The following AP4E1 variants were observed in gnomAD, a reference collection of about 807,000 sequenced individuals.
AP4E1 encodes the protein AP-4 complex subunit epsilon-1.
A neutral mutation model predicts 128.2 loss-of-function variants in AP4E1; 56 were observed. That is an observed-to-expected ratio of 0.44 (90% confidence interval 0.35 to 0.55). AP4E1 has a LOEUF of 0.55. Ranked by LOEUF, AP4E1 falls within the 20% of genes least tolerant of loss-of-function variation. AP4E1 has a pLI of 0.00. For synonymous variants in AP4E1, 484 were observed against 473.1 expected (o/e 1.02, Z -0.30); for missense variants, 1,324 against 1,307.7 (o/e 1.01, Z -0.19).
At chr15:50,947,136 C>T (rs2064073176) in intron 10 of AP4E1, among the ~76,000 whole-genome samples, 1 of 152,030 alleles carries the variant, frequency 6.6e-6, no homozygotes, top group Non-Finnish European at 1.5e-5. Context: ...TAGCTACAGG[C>T]CAGGCACAGT....
intron 16 of AP4E1, among the ~76,000 whole-genome samples, chr15:50,992,854 A>G (rs1039112761): frequency 5.3e-5 from 8 of 152,196 alleles, no homozygotes; most frequent in Non-Finnish European, 4.4e-5. Context: ...ACTTGAATTT[A>G]TGTTTCCTGG....
intron 15 of AP4E1, among the ~76,000 whole-genome samples, chr15:50,982,962 T>C (rs2064663107): frequency 5.3e-5 from 8 of 152,242 alleles, no homozygotes; most frequent in Admixed American, 5.2e-4. Flanking sequence ...CATAATATTT[T>C]CTAAGATACT....
chr15:50,924,158 A>G (rs910519036), intron 4 of AP4E1, among the ~76,000 whole-genome samples, 154 bp downstream of exon 4: 4 of 152,192 alleles, frequency 2.6e-5, no homozygotes, highest in Admixed American at 6.5e-5. Context: ...CATCTATAAA[A>G]TGGAGTTAAA....
chr15:50,915,682 T>C, intron 3 of AP4E1, 111 bp downstream of exon 3: 9 of 1,309,538 alleles, frequency 6.9e-6, no homozygotes, highest in Non-Finnish European at 8.6e-6. Context: ...TACTGTATTA[T>C]AATTTCTAAA....
intron 10 of AP4E1, chr15:50,945,654 A>G: frequency 2.6e-6 from 2 of 779,688 alleles, no homozygotes; most frequent in Admixed American, 1.7e-5. Flanking sequence ...TTATCTGTGT[A>G]AAATGCACTT....
intron 5 of AP4E1, among the ~76,000 whole-genome samples, chr15:50,928,487 C>T (rs1056497204): frequency 6.6e-6 from 1 of 152,052 alleles, no homozygotes; most frequent in Admixed American, 6.6e-5. Context: ...AGGGTTTCGC[C>T]ATGTTGGCCA....
At chr15:50,949,748 T>A in intron 11 of AP4E1, 78 bp from the exon 12 acceptor site, 1 of 1,163,664 alleles carries the variant, frequency 8.6e-7, no homozygotes, top group Non-Finnish European at 1.3e-6. Context: ...TTGGGGTTAT[T>A]TTTTAAAAGA....
rs759162343 is a variant in AP4E1, at chr15:50,925,154, G to A, written c.477G>A (p.Gln159=). The A allele has an allele frequency of 2.5e-6, 4 of 1,613,830 alleles. No individual in the cohort carries two copies. The highest frequency in any genetic ancestry group is 1.3e-5 in the African/African-American group (1 of 74,952). Reference sequence around the variant, plus strand: ...GTATGGCACTGACTGTTGTTAGCCAGATTTTCCCCTGCGAAATGATTCCAG... The same window carrying A: ...GTATGGCACTGACTGTTGTTAGCCAAATTTTCCCCTGCGAAATGATTCCAG... The part of the protein sequence containing the change: ...EVCMALTVVS[Q]IFPCEMIPAV... Residue 159 remains glutamine (Q), a synonymous_variant, in exon 5 of 21, where the codon CAG becomes CAA. Transcript: ENST00000261842.
At chr15:50,977,698 C>G (rs1161233223) in intron 15 of AP4E1, among the ~76,000 whole-genome samples, 2 of 99,350 alleles carry the variant, frequency 2.0e-5, no homozygotes, top group Non-Finnish European at 4.3e-5. Flanking sequence ...AATTATCAAT[C>G]TGTTATGGTT....
rs146679593 is a variant in AP4E1 at position 50,925,078 on chromosome 15, T to C, written c.421-20T>C. The stretch of plus-strand genomic sequence containing the variant: ...TTCAGTATTTACACTAAATGTTTTC[T>C]TTGCTTAATGTTGTGCCAGGATCTG... On this transcript the variant is annotated intron_variant, in intron 4 of 20. Transcript: ENST00000261842. 2.9e-4 allele frequency: 461 copies of C among 1,613,674 alleles called. 4 individuals carry two copies. The East Asian group carries it at 9.5e-3, about 33-fold the overall frequency.
intron 1 of AP4E1, among the ~76,000 whole-genome samples, chr15:50,911,634 C>T (rs540799608): frequency 6.7e-6 from 1 of 148,886 alleles, no homozygotes; most frequent in Non-Finnish European, 1.5e-5. Context: ...GATTACAGGA[C>T]CCCCAGCTAA....
rs192755368 is a variant in AP4E1, at chr15:50,948,087, A to G, written c.1244A>G (p.Glu415Gly). The change falls in exon 11 of 21, where the codon GAA becomes GGA. Residue 415 changes from glutamate (E) to glycine (G), a missense_variant. Transcript: ENST00000261842. ...NITVIVQKML[E>G]YLHQSKEEYV... Reference sequence around the variant, plus strand: ...ACAGTTATTGTCCAGAAAATGCTTGAATATTTACATCAGAGCAAAGAAGAG... The same window carrying G: ...ACAGTTATTGTCCAGAAAATGCTTGGATATTTACATCAGAGCAAAGAAGAG... 6.2e-7 allele frequency: 1 copy of G among 1,613,730 alleles called. No homozygotes were observed. The highest frequency in any genetic ancestry group is 8.5e-7 in the Non-Finnish European group (1 of 1,179,744).
chr15:50,939,974 A>G (rs1179077172), intron 8 of AP4E1, among the ~76,000 whole-genome samples: 2 of 152,206 alleles, frequency 1.3e-5, no homozygotes, highest in African/African-American at 4.8e-5. Flanking sequence ...TGTTTTTTAC[A>G]GCCTTTTAAA....
At chr15:50,940,865 G>T (rs1449437322) in intron 8 of AP4E1, among the ~76,000 whole-genome samples, 1 of 152,100 alleles carries the variant, frequency 6.6e-6, no homozygotes, top group Non-Finnish European at 1.5e-5. Flanking sequence ...GTGCTTTGAG[G>T]TTATTTTAAA....
intron 4 of AP4E1, 87 bp downstream of exon 4, chr15:50,924,091 T>A: frequency 8.7e-7 from 1 of 1,148,410 alleles, no homozygotes; most frequent in Non-Finnish European, 1.3e-6. Flanking sequence ...CTAGATGAGA[T>A]TAGAAGAAAG....
chr15:50,947,666 C>A (rs1025840600), intron 10 of AP4E1, among the ~76,000 whole-genome samples: 2 of 152,130 alleles, frequency 1.3e-5, no homozygotes, highest in African/African-American at 4.8e-5. Flanking sequence ...TATATATACA[C>A]CCATAGCTGT....
At chr15:50,917,066 A>G (rs543185244) in intron 3 of AP4E1, among the ~76,000 whole-genome samples, 4 of 152,336 alleles carry the variant, frequency 2.6e-5, no homozygotes, top group Non-Finnish European at 4.4e-5. Context: ...CAGAATTTTC[A>G]TATGTTAAAG....
At position 51,002,817 on chromosome 15, in the gene AP4E1, G is replaced by A. The variant is rs1056301104; in HGVS notation, c.*155G>A. 16 of 975,830 alleles carry A rather than the reference G, an allele frequency of 1.6e-5. No individual in the cohort carries two copies. The highest frequency in any genetic ancestry group is 2.1e-5 in the Non-Finnish European group (14 of 652,776). 60.4% of individuals were successfully genotyped at this position (975,830 alleles called of 1,614,324 possible). A position where few individuals can be genotyped will look rare whatever the true frequency, so the allele number is the denominator to read the frequency against. ...TTCTTTGTGATTCCTGGTCAAGAAAGATCCCCAAAACTGTATCCCTAACCT... is the reference window on the plus strand; with the variant it reads ...TTCTTTGTGATTCCTGGTCAAGAAAAATCCCCAAAACTGTATCCCTAACCT... On this transcript the variant is annotated 3_prime_UTR_variant, in exon 21 of 21. Transcript: ENST00000261842.
intron 19 of AP4E1, 125 bp from the exon 20 acceptor site, chr15:51,000,901 A>T: frequency 2.6e-6 from 2 of 761,166 alleles, no homozygotes; most frequent in South Asian, 1.7e-5. Context: ...TGGTTTAAAG[A>T]CATAAATCTT....
Sources: allele counts gnomAD v4.1 joint callset (sites outside exome capture counted in the v4.1 genomes callset), GRCh38; gene constraint gnomAD v4.1.1; transcripts MANE v1.5; gene names NCBI Gene and HGNC (gene_info 2026-07-23, HGNC 2026-07-21).